Variants in NMNAT2 observed in about 807,000 individuals in gnomAD.
The protein encoded by NMNAT2 is nicotinamide nucleotide adenylyltransferase 2.
NMNAT2 carries 11 observed loss-of-function variants against 41.6 expected under a neutral mutation model. That is an observed-to-expected ratio of 0.26 (90% CI 0.17 to 0.44). NMNAT2 has a LOEUF of 0.44. Ranked by LOEUF, NMNAT2 falls within the 20% of genes least tolerant of loss-of-function variation. The probability of loss-of-function intolerance (pLI) is 1.00; values close to 1 mark genes in which losing one functional copy is unlikely to be tolerated. For synonymous variants in NMNAT2, 148 were observed against 151.2 expected, an observed-to-expected ratio of 0.98 and a Z score of 0.16; for missense variants, 288 against 407.7, an observed-to-expected ratio of 0.71 and a Z score of 2.53.
intron 1 of NMNAT2, among the ~76,000 whole-genome samples, chr1:183,415,810 T>C (rs1298044871): frequency 6.6e-6 from 1 of 152,194 alleles, no homozygotes; most frequent in Non-Finnish European, 1.5e-5. Context: ...CTACCAAAAA[T>C]AGTTGAATGT....
intron 7 of NMNAT2, among the ~76,000 whole-genome samples, chr1:183,279,359 C>G (rs1005400487): frequency 1.3e-5 from 2 of 152,230 alleles, no homozygotes; most frequent in Admixed American, 6.5e-5. Context: ...TGGGGAACAA[C>G]ATTCTGAGAA....
chr1:183,331,426 G>A (rs1300297896), intron 1 of NMNAT2, among the ~76,000 whole-genome samples: 2 of 152,228 alleles, frequency 1.3e-5, no homozygotes, highest in Admixed American at 6.5e-5. Flanking sequence ...AAGATGAAAG[G>A]CAGGTATCTA....
intron 8 of NMNAT2, among the ~76,000 whole-genome samples, chr1:183,276,204 G>A (rs1046523748): frequency 3.9e-5 from 6 of 152,200 alleles, no homozygotes; most frequent in African/African-American, 1.4e-4. Flanking sequence ...AGGGAAGAGG[G>A]TTGGGGCTGG....
chr1:183,365,597 A>G (rs1424677797), intron 1 of NMNAT2, among the ~76,000 whole-genome samples: 2 of 152,094 alleles, frequency 1.3e-5, no homozygotes, highest in Non-Finnish European at 2.9e-5. Context: ...CCTCTACTAA[A>G]AATACAAAAA....
At chr1:183,301,015 G>T (rs888567661) in intron 1 of NMNAT2, among the ~76,000 whole-genome samples, 6 of 152,196 alleles carry the variant, frequency 3.9e-5, no homozygotes, top group African/African-American at 1.4e-4. Context: ...AAGTGGGGCA[G>T]GATTGTTTAA....
At chr1:183,363,109 G>A (rs1367287390) in intron 1 of NMNAT2, among the ~76,000 whole-genome samples, 1 of 152,082 alleles carries the variant, frequency 6.6e-6, no homozygotes, top group African/African-American at 2.4e-5. Context: ...AGAAATTTCT[G>A]TTCAAACCCC....
At chr1:183,335,630 G>A (rs1662666397) in intron 1 of NMNAT2, among the ~76,000 whole-genome samples, 1 of 152,300 alleles carries the variant, frequency 6.6e-6, no homozygotes, top group Non-Finnish European at 1.5e-5. Context: ...GGGAAAAATA[G>A]AACTTCCCTG....
At chr1:183,286,428 C>T (rs1203108021) in intron 5 of NMNAT2, among the ~76,000 whole-genome samples, 1 of 152,126 alleles carries the variant, frequency 6.6e-6, no homozygotes, top group African/African-American at 2.4e-5. Flanking sequence ...AGAGTGCACA[C>T]CACCACCTGC....
chr1:183,308,552 A>G (rs115208371), intron 1 of NMNAT2, among the ~76,000 whole-genome samples: 1,640 of 152,292 alleles, frequency 0.011, 22 homozygotes, highest in Non-Finnish European at 0.015. Context: ...AATCAAGACT[A>G]AAAAAGGAAG....
chr1:183,280,665 G>A (rs1661238895), intron 7 of NMNAT2, among the ~76,000 whole-genome samples: 1 of 151,898 alleles, frequency 6.6e-6, no homozygotes, highest in Non-Finnish European at 1.5e-5. Flanking sequence ...TGGAATTACA[G>A]GCATGAGCCA....
intron 1 of NMNAT2, among the ~76,000 whole-genome samples, chr1:183,404,619 C>T (rs1457692161): frequency 6.6e-6 from 1 of 152,088 alleles, no homozygotes; most frequent in Non-Finnish European, 1.5e-5. Flanking sequence ...AAGAATGGCC[C>T]ATTGTGTCCA....
chr1:183,260,058 T>C (rs544380442), intron 10 of NMNAT2, among the ~76,000 whole-genome samples: 2 of 152,354 alleles, frequency 1.3e-5, no homozygotes, highest in Admixed American at 6.5e-5. Context: ...CATTCTTTCC[T>C]TCTTTGGGTT....
intron 8 of NMNAT2, among the ~76,000 whole-genome samples, chr1:183,270,486 AG>A (rs1490976277): frequency 6.6e-6 from 1 of 152,044 alleles, no homozygotes; most frequent in Admixed American, 6.6e-5. Context: ...CAGTAAGGTC[AG>A]AGTCCAGCAG....
chr1:183,311,224 T>C (rs1662111971), intron 1 of NMNAT2, among the ~76,000 whole-genome samples: 1 of 152,216 alleles, frequency 6.6e-6, no homozygotes. Context: ...TAATGGTTTC[T>C]GTGCCCAGTC....
chr1:183,280,714 AT>A (rs930530383), intron 7 of NMNAT2, among the ~76,000 whole-genome samples: 16 of 140,888 alleles, frequency 1.1e-4, no homozygotes, highest in Middle Eastern at 4.2e-3. Context: ...ACATTATGAG[AT>A]TTTTTTTTGG....
At chr1:183,391,121 C>T (rs1241087794) in intron 1 of NMNAT2, among the ~76,000 whole-genome samples, 1 of 152,184 alleles carries the variant, frequency 6.6e-6, no homozygotes, top group Non-Finnish European at 1.5e-5. Context: ...GAAATGCCTC[C>T]ACACCACATC....
Position 183,304,821 on chromosome 1 carries a change from C to G in NMNAT2, c.86-11028G>C, listed in dbSNP as rs1433164094. Reference sequence around the variant, plus strand: ...TAACACAAAGTGGTGCAGCTGCTCCCTCATTGTTGCTGATCTTGTTTGCTC... The same window carrying G: ...TAACACAAAGTGGTGCAGCTGCTCCGTCATTGTTGCTGATCTTGTTTGCTC... On this transcript the variant is annotated intron_variant, in intron 1 of 10. Coordinates refer to ENST00000287713, the MANE Select transcript of NMNAT2 (RefSeq NM_015039.4). 5 of 1,602,512 alleles carry G rather than the reference C, an allele frequency of 3.1e-6. No individual in the cohort carries two copies. The African/African-American group carries it at 6.7e-5, about 21-fold the overall frequency.
At position 183,261,032 on chromosome 1, in the gene NMNAT2, G is replaced by A. The variant is rs764728673; in HGVS notation, c.791C>T (p.Pro264Leu). 6.2e-7 allele frequency: 1 copy of A among 1,613,792 alleles called. No homozygotes were observed. The highest frequency in any genetic ancestry group is 8.5e-7 in the Non-Finnish European group (1 of 1,179,844). The change falls in exon 10 of 11, where the codon CCC (proline) becomes CTC (leucine). Residue 264 changes from proline to leucine, a missense_variant. Pro to Leu is a moderately conservative substitution (Grantham distance 98). This residue lies in a region of NMNAT2 where 181 missense variants were observed against 213.7 expected (regional missense o/e 0.85). Transcript: ENST00000287713. ...CTTGGTTGAGCTGACAACAGACATG[G>A]GATGGTTGATGTCATCCTTCACCAC... is the stretch of plus-strand genomic sequence containing the variant. ...IMVVKDDINHPMSVVSSTKSR... is the reference protein window; with the variant it reads ...IMVVKDDINHLMSVVSSTKSR...
At chr1:183,367,024 T>C (rs1210359584) in intron 1 of NMNAT2, among the ~76,000 whole-genome samples, 1 of 152,202 alleles carries the variant, frequency 6.6e-6, no homozygotes, top group East Asian at 1.9e-4. Flanking sequence ...ATGTTACACT[T>C]AAAGCAATGA....
Sources: gnomAD v4.1 joint callset for allele counts (sites outside exome capture counted in the v4.1 genomes callset) on GRCh38, gnomAD v4.1.1 for gene constraint, gnomAD v4.1.1 regional missense constraint, MANE v1.5 for transcripts, NCBI Gene and HGNC (gene_info 2026-07-23, HGNC 2026-07-21) for gene names.